Variants in HMCN1 observed in about 807,000 individuals in gnomAD.
HMCN1 encodes the protein hemicentin 1.
In HMCN1, 321 loss-of-function variants were observed where a neutral mutation model predicts 625.9. That is an observed-to-expected ratio of 0.51 (90% CI 0.47 to 0.56). The LOEUF (loss-of-function observed/expected upper bound fraction) is 0.56. HMCN1 is among the 20% of genes least tolerant of loss of function. The pLI, the probability that HMCN1 is intolerant of heterozygous loss-of-function variation, is 0.00. For synonymous variants in HMCN1, 2,425 were observed against 2,417.6 expected (o/e 1.00, Z -0.09); for missense variants, 6,588 against 6,887.3 (o/e 0.96, Z 1.54).
chr1:185,813,696 A>G (rs1659668660), intron 1 of HMCN1, among the ~76,000 whole-genome samples: 1 of 152,194 alleles, frequency 6.6e-6, no homozygotes, highest in African/African-American at 2.4e-5. Flanking sequence ...TTAAGCACAC[A>G]TCTTAAATTC....
At chr1:185,988,759 C>A (rs1299500549) in intron 20 of HMCN1, among the ~76,000 whole-genome samples, 1 of 152,114 alleles carries the variant, frequency 6.6e-6, no homozygotes, top group Non-Finnish European at 1.5e-5. Flanking sequence ...TGATCTTGGG[C>A]AAATTACTCT....
intron 36 of HMCN1, among the ~76,000 whole-genome samples, chr1:186,036,380 A>T (rs1655823477): frequency 1.3e-5 from 2 of 152,114 alleles, no homozygotes; most frequent in Non-Finnish European, 2.9e-5. Flanking sequence ...CACATCTCAC[A>T]TGGTGGCAGA....
chr1:186,145,965 T>C (rs1380239831), intron 93 of HMCN1, 42 bp downstream of exon 93: 3 of 1,597,670 alleles, frequency 1.9e-6, no homozygotes, highest in Non-Finnish European at 2.6e-6. Context: ...TTTAGAGCCT[T>C]TGTGCAAATT....
chr1:186,078,180 G>T lies in HMCN1; in HGVS notation c.8559G>T (p.Glu2853Asp). ...AGRYTCVAVN[E>D]AGEDSLQYDV... Reference sequence around the variant, plus strand: ...GATACACATGTGTGGCTGTGAATGAGGCTGGAGAAGATTCCCTTCAATATG... The same window carrying T: ...GATACACATGTGTGGCTGTGAATGATGCTGGAGAAGATTCCCTTCAATATG... The change falls in exon 55 of 107, where the codon GAG becomes GAT. Residue 2853 changes from glutamate (E) to aspartate (D), a missense_variant. Transcript: ENST00000271588. 6.2e-7 allele frequency: 1 copy of T among 1,613,678 alleles called. No homozygotes were observed.
intron 4 of HMCN1, among the ~76,000 whole-genome samples, chr1:185,895,832 G>A (rs1372573838): frequency 2.0e-5 from 3 of 152,172 alleles, no homozygotes; most frequent in Non-Finnish European, 2.9e-5. Context: ...GTTAGGATTT[G>A]CCCTTTCCTT....
chr1:185,758,763 T>A (rs559529339), intron 1 of HMCN1, among the ~76,000 whole-genome samples: 1 of 152,238 alleles, frequency 6.6e-6, no homozygotes, highest in Non-Finnish European at 1.5e-5. Context: ...TTTTCCTTTT[T>A]TAAAAATTAA....
chr1:186,105,919 A>G (rs1660587853), intron 69 of HMCN1, among the ~76,000 whole-genome samples: 1 of 152,232 alleles, frequency 6.6e-6, no homozygotes, highest in African/African-American at 2.4e-5. Flanking sequence ...TTCAGAAATT[A>G]TTCTTAGGAA....
rs760277967 is a variant in HMCN1, at chr1:186,119,172, CA to C, written c.11849-18del. Reference sequence around the variant, plus strand: ...AACTGAGATGCAGTATATATTAAAACATTTTTTTTCATTTTTAGGAGCAATT... The same window carrying C: ...AACTGAGATGCAGTATATATTAAAACTTTTTTTTCATTTTTAGGAGCAATT... On this transcript the variant is annotated intron_variant, in intron 77 of 106. Coordinates refer to ENST00000271588, the MANE Select transcript of HMCN1 (RefSeq NM_031935.3). The C allele has an allele frequency of 1.3e-4, 198 of 1,573,844 alleles. No homozygotes were observed. Among genetic ancestry groups the C allele is most frequent in the Non-Finnish European group, 1.6e-4 (181 of 1,143,516 alleles).
At chr1:186,116,403 C>T (rs1432935498) in intron 75 of HMCN1, among the ~76,000 whole-genome samples, 2 of 144,264 alleles carry the variant, frequency 1.4e-5, no homozygotes, top group Admixed American at 1.5e-4. Flanking sequence ...CACACATACA[C>T]ACACTTGTTC....
rs9970186 is a variant in HMCN1, at chr1:186,133,776, A to G, written c.13312+1367A>G. 7.6e-3 allele frequency among the ~76,000 whole-genome samples: 1,149 copies of G among 151,532 alleles called. 15 individuals are homozygous for G. Among genetic ancestry groups the G allele is most frequent in the African/African-American group, 0.027 (1,106 of 41,102 alleles). Reference sequence around the variant, plus strand: ...TCAAATGATAACATGGGATGTCATTAGGAAAAAATAGGGTTCTATGTTCAA... The same window carrying G: ...TCAAATGATAACATGGGATGTCATTGGGAAAAAATAGGGTTCTATGTTCAA... On this transcript the variant is annotated intron_variant, in intron 86 of 106. Transcript: ENST00000271588.
In HMCN1 at chr1:186,098,234, G is replaced by C. The variant is rs376492362; in HGVS notation, c.10573+2713G>C. ...ATATCAAACAAAAAGCTTCTGCACA[G>C]CTAAGGAAACATTCAACAAAGTGAA... On this transcript the variant is annotated intron_variant, in intron 68 of 106. Transcript: ENST00000271588. Among the ~76,000 whole-genome samples the C allele has an allele frequency of 5.3e-5, 8 of 151,938 alleles. No individual in the cohort carries two copies. The East Asian group carries it at 7.7e-4, about 15-fold the overall frequency.
At chr1:186,132,438 A>G in intron 86 of HMCN1, 29 bp downstream of exon 86, 1 of 1,520,004 alleles carries the variant, frequency 6.6e-7, no homozygotes, top group South Asian at 1.2e-5. Context: ...CTAATTAAAC[A>G]CTTGATTTAG....
chr1:186,050,467 G>T (rs1656878207), intron 42 of HMCN1, among the ~76,000 whole-genome samples: 1 of 151,808 alleles, frequency 6.6e-6, no homozygotes. Flanking sequence ...AAACTGAGAA[G>T]GAAGAGCCTA....
At chr1:185,955,842 A>G (rs976292252) in intron 11 of HMCN1, among the ~76,000 whole-genome samples, 3 of 152,004 alleles carry the variant, frequency 2.0e-5, no homozygotes, top group African/African-American at 7.2e-5. Context: ...ATTACTTTTC[A>G]TCCTTCCGTG....
At chr1:185,781,355 C>T (rs1657087302) in intron 1 of HMCN1, among the ~76,000 whole-genome samples, 1 of 152,102 alleles carries the variant, frequency 6.6e-6, no homozygotes, top group Non-Finnish European at 1.5e-5. Flanking sequence ...TCCTTCAGTT[C>T]TGCTCTAATC....
At chr1:186,041,187 C>T in intron 40 of HMCN1, 51 bp downstream of exon 40, 4 of 1,529,104 alleles carry the variant, frequency 2.6e-6, no homozygotes, top group Non-Finnish European at 3.6e-6. Context: ...TGTTTGGGTC[C>T]TAAAATCATT....
chr1:186,073,362 A>G (rs1372187175), intron 52 of HMCN1, among the ~76,000 whole-genome samples: 2 of 152,184 alleles, frequency 1.3e-5, no homozygotes, highest in Non-Finnish European at 2.9e-5. Context: ...GAAATGATGG[A>G]AGGAAAAAAC....
At chr1:186,095,008 T>C (rs765931735) in intron 67 of HMCN1, among the ~76,000 whole-genome samples, 1 of 152,164 alleles carries the variant, frequency 6.6e-6, no homozygotes, top group Non-Finnish European at 1.5e-5. Flanking sequence ...TTAAAACACA[T>C]TGTGCGTTCT....
At chr1:185,774,018 T>G (rs796278789) in intron 1 of HMCN1, among the ~76,000 whole-genome samples, 4 of 152,204 alleles carry the variant, frequency 2.6e-5, no homozygotes, top group African/African-American at 9.6e-5. Flanking sequence ...GCTCAGTGGG[T>G]GATATGATGT....
Sources: allele counts gnomAD v4.1 joint callset (sites outside exome capture counted in the v4.1 genomes callset), GRCh38; gene constraint gnomAD v4.1.1; transcripts MANE v1.5; gene names NCBI Gene and HGNC (gene_info 2026-07-23, HGNC 2026-07-21).